CNKSR2: variants seen among roughly 807,000 people sequenced by gnomAD.
CNKSR2 encodes connector enhancer of kinase suppressor of Ras 2, also known as CNK homolog protein 2.
CNKSR2 carries 14 observed loss-of-function variants against 84.4 expected under a neutral mutation model. That is an observed-to-expected ratio of 0.17 (90% confidence interval 0.11 to 0.26). The LOEUF (loss-of-function observed/expected upper bound fraction) is 0.26, where lower values mean the gene tolerates loss of function less well. CNKSR2 is among the 10% of genes least tolerant of loss of function. The probability of loss-of-function intolerance (pLI) is 1.00; values close to 1 mark genes in which losing one functional copy is unlikely to be tolerated. For missense variants in CNKSR2, 485 were observed against 771.2 expected (o/e 0.63, Z 4.40); for synonymous variants, 275 against 277.9 (o/e 0.99, Z 0.10).
intron 20 of CNKSR2, chrX:21,641,560 C>T: frequency 8.5e-7 from 1 of 1,174,886 alleles, no homozygotes; most frequent in South Asian, 1.9e-5. Flanking sequence ...GTTGGTAGAA[C>T]CTCTCCATGC....
chrX:21,473,840 G>A (rs1194905573), intron 5 of CNKSR2, among the ~76,000 whole-genome samples: 8 of 97,347 alleles, frequency 8.2e-5, no homozygotes, highest in Admixed American at 5.8e-4. Context: ...TCCATCTCCC[G>A]GGTTCACGCC....
At chrX:21,510,848 TG>T (rs1346646321) in intron 8 of CNKSR2, among the ~76,000 whole-genome samples, 1 of 112,060 alleles carries the variant, frequency 8.9e-6, no homozygotes, top group Non-Finnish European at 1.9e-5. Flanking sequence ...GTAAGCTATA[TG>T]ACTTGCTGTT....
chrX:21,640,737 TC>T (rs1391709437), intron 20 of CNKSR2, among the ~76,000 whole-genome samples: 2 of 112,146 alleles, frequency 1.8e-5, no homozygotes, highest in Non-Finnish European at 3.8e-5. Flanking sequence ...GCTGATTTGT[TC>T]CTGCTGACAA....
At chrX:21,528,168 G>C (rs1409121932) in intron 10 of CNKSR2, among the ~76,000 whole-genome samples, 2 of 110,786 alleles carry the variant, frequency 1.8e-5, no homozygotes, top group African/African-American at 6.5e-5. Context: ...CAATTTACAA[G>C]CAAATATACA....
chrX:21,507,135 A>C (rs2091621237), intron 8 of CNKSR2, among the ~76,000 whole-genome samples: 1 of 110,780 alleles, frequency 9.0e-6, no homozygotes, highest in Non-Finnish European at 1.9e-5. Flanking sequence ...AACGCTAAAG[A>C]ACCACCATAT....
At chrX:21,634,526 A>G (rs2092661491) in intron 20 of CNKSR2, among the ~76,000 whole-genome samples, 1 of 111,534 alleles carries the variant, frequency 9.0e-6, no homozygotes, top group Non-Finnish European at 1.9e-5. Flanking sequence ...GAAGTTATTG[A>G]TGGAGGAAAA....
At position 21,565,276 on chromosome X, in the gene CNKSR2, G is replaced by A. The variant is rs756091706; in HGVS notation, c.1608+1824G>A. 4.5e-5 allele frequency among the ~76,000 whole-genome samples: 5 copies of A among 111,841 alleles called. No homozygotes were observed. In the South Asian group the frequency reaches 1.9e-3, roughly 42 times the overall value. On this transcript the variant is annotated intron_variant, in intron 13 of 21. Coordinates refer to ENST00000379510, the MANE Select transcript of CNKSR2 (RefSeq NM_014927.5). ...CATATCCTGACAGATGTTATACTGT[G>A]TGCGGAAGGAAAGTAGTTAAGTCTT...
At chrX:21,640,186 A>T (rs1008468997) in intron 20 of CNKSR2, among the ~76,000 whole-genome samples, 2 of 111,812 alleles carry the variant, frequency 1.8e-5, no homozygotes, top group African/African-American at 6.5e-5. Context: ...ATTAGAAATT[A>T]AAAGGTTCAT....
intron 1 of CNKSR2, among the ~76,000 whole-genome samples, chrX:21,377,349 CT>C (rs1421735051): frequency 8.9e-6 from 1 of 112,115 alleles, no homozygotes; most frequent in Non-Finnish European, 1.9e-5. Flanking sequence ...TCTCTTTGCC[CT>C]TTTCCCCAAA....
chrX:21,425,126 A>G (rs1483309876), intron 1 of CNKSR2: 1 of 111,606 alleles, frequency 9.0e-6, no homozygotes, highest in Non-Finnish European at 1.9e-5. Flanking sequence ...TCAATCCCAT[A>G]TTCTCTAGAT....
intron 4 of CNKSR2, among the ~76,000 whole-genome samples, chrX:21,452,404 A>G (rs993465404): frequency 9.0e-6 from 1 of 111,296 alleles, no homozygotes; most frequent in Non-Finnish European, 1.9e-5. Flanking sequence ...CTCTAAATGA[A>G]TTTTCTAATC....
At chrX:21,627,955 C>T (rs2092631522) in intron 20 of CNKSR2, among the ~76,000 whole-genome samples, 1 of 111,656 alleles carries the variant, frequency 9.0e-6, no homozygotes, top group African/African-American at 3.3e-5. Flanking sequence ...TCCAAAGTCT[C>T]ATCCGAGACA....
intron 5 of CNKSR2, among the ~76,000 whole-genome samples, chrX:21,487,872 A>G (rs1344500924): frequency 8.9e-6 from 1 of 112,484 alleles, no homozygotes; most frequent in African/African-American, 3.2e-5. Flanking sequence ...CAAAATGAAA[A>G]TGCCAAGCCC....
At chrX:21,651,981 G>A (rs1236600584) in intron 21 of CNKSR2, among the ~76,000 whole-genome samples, 1 of 112,336 alleles carries the variant, frequency 8.9e-6, no homozygotes, top group Non-Finnish European at 1.9e-5. Flanking sequence ...ATAAATGAGG[G>A]AGAAAACTTT....
At chrX:21,564,677 AGTT>A (rs1186467532) in intron 13 of CNKSR2, among the ~76,000 whole-genome samples, 1 of 111,350 alleles carries the variant, frequency 9.0e-6, no homozygotes, top group Non-Finnish European at 1.9e-5. Flanking sequence ...CTTACAATTG[AGTT>A]GTTTCTCTGA....
chrX:21,534,959 C>T (rs2091914746), intron 11 of CNKSR2, among the ~76,000 whole-genome samples: 1 of 110,589 alleles, frequency 9.0e-6, no homozygotes, highest in Non-Finnish European at 1.9e-5. Flanking sequence ...TTGCCTAGAC[C>T]AATGTCCTGA....
chrX:21,572,167 A>G (rs1184866937), intron 13 of CNKSR2, among the ~76,000 whole-genome samples: 3 of 112,377 alleles, frequency 2.7e-5, no homozygotes, highest in Non-Finnish European at 5.6e-5. Context: ...TATGAAAAGT[A>G]TTTCCCAGTG....
intron 1 of CNKSR2, among the ~76,000 whole-genome samples, chrX:21,396,328 TTTTG>T (rs1432968801): frequency 9.0e-6 from 1 of 110,832 alleles, no homozygotes; most frequent in Non-Finnish European, 1.9e-5. Flanking sequence ...AAACAGTACT[TTTTG>T]TTCTTGGTGG....
At chrX:21,545,010 T>C (rs1484111768) in intron 11 of CNKSR2, among the ~76,000 whole-genome samples, 2 of 110,912 alleles carry the variant, frequency 1.8e-5, no homozygotes, top group South Asian at 3.9e-4. Context: ...TCCTACCCCA[T>C]TGACACCTGG....
Sources: gnomAD v4.1 joint callset for allele counts (sites outside exome capture counted in the v4.1 genomes callset) on GRCh38, gnomAD v4.1.1 for gene constraint, MANE v1.5 for transcripts, NCBI Gene and HGNC (gene_info 2026-07-23, HGNC 2026-07-21) for gene names.